MACIR: variants seen among roughly 807,000 people sequenced by gnomAD.
MACIR encodes the protein macrophage immunometabolism regulator.
In MACIR, 4 loss-of-function variants were observed where a neutral mutation model predicts 14.3. The observed-to-expected ratio is 0.28, with a 90% CI of 0.14 to 0.64. The LOEUF (loss-of-function observed/expected upper bound fraction) is 0.64. Among genes scored for constraint, MACIR ranks in the 30% least tolerant of loss-of-function variants. The pLI is 0.83. For synonymous variants in MACIR, 101 were observed against 102.4 expected (o/e 0.99, Z 0.08); for missense variants, 228 against 257.6 (o/e 0.89, Z 0.79).
chr5:103,259,040 C>T (rs1327214296), intron 1 of MACIR, 144 bp downstream of exon 1: 1 of 152,416 alleles, frequency 6.6e-6, no homozygotes, highest in South Asian at 2.1e-4. Flanking sequence ...CCCTTCCTCT[C>T]CGCCTCGTGT....
chr5:103,259,699 T>C (rs559262383), intron 1 of MACIR: 2 of 152,140 alleles, frequency 1.3e-5, no homozygotes, highest in Non-Finnish European at 2.9e-5. Context: ...TGTGCGCGTG[T>C]GGATTGGGGC....
rs1375728666 is a variant in MACIR at position 103,277,631 on chromosome 5, G to T, written c.*1091G>T. 6.0e-6 allele frequency: 1 copy of T among 166,868 alleles called. No individual in the cohort carries two copies. Among genetic ancestry groups the T allele is most frequent in the Non-Finnish European group, 1.5e-5 (1 of 68,060 alleles). The allele number at this position is 166,868 out of a possible 1,614,324, so 10.3% of individuals were successfully genotyped here. On this transcript the variant is annotated 3_prime_UTR_variant, in exon 3 of 3. Transcript: ENST00000319933. ...CTACTGTTTTAATGGGTTAATCCTG[G>T]ATTACTTAACAATTTATGTCAATTG... is the stretch of plus-strand genomic sequence containing the variant.
intron 1 of MACIR, among the ~76,000 whole-genome samples, chr5:103,261,363 A>T (rs1250139071): frequency 1.3e-5 from 2 of 152,206 alleles, no homozygotes; most frequent in African/African-American, 4.8e-5. Flanking sequence ...AGCCTCTAAG[A>T]TGAGCATCTA....
At position 103,276,082 on chromosome 5, in the gene MACIR, C is replaced by A; in HGVS notation, c.163C>A (p.His55Asn). 1 of 1,614,124 alleles carries A rather than the reference C, an allele frequency of 6.2e-7. No individual in the cohort carries two copies. Among genetic ancestry groups the A allele is most frequent in the African/African-American group, 1.3e-5 (1 of 74,982 alleles). ...GACCGTGTCAGGCTACCAGATCCTA[C>A]ACATGGACTCTAACTATTTGGTTGG... ...RRTVSGYQIL[H>N]MDSNYLVGFT... is the part of the protein sequence containing the mutation. The change falls in exon 3 of 3, where the codon CAC (histidine) becomes AAC (asparagine). Residue 55 changes from histidine to asparagine, a missense_variant. Physicochemically the swap from His to Asn is moderately conservative, Grantham distance 68. Transcript: ENST00000319933.
Position 103,276,347 on chromosome 5 carries a change from A to C in MACIR, c.428A>C (p.Tyr143Ser). The C allele has an allele frequency of 6.2e-7, 1 of 1,613,234 alleles. No individual in the cohort carries two copies. The highest frequency in any genetic ancestry group is 8.5e-7 in the Non-Finnish European group (1 of 1,179,876). ...GACAAGTGCACTAAATCTTTACCTTATGAACCTTACAAGGCCCTCCATGGG... is the reference window on the plus strand; with the variant it reads ...GACAAGTGCACTAAATCTTTACCTTCTGAACCTTACAAGGCCCTCCATGGG... ...SGDKCTKSLPYEPYKALHGPL... is the reference protein window; with the variant it reads ...SGDKCTKSLPSEPYKALHGPL... Residue 143 changes from tyrosine to serine, a missense_variant, in exon 3 of 3, where the codon TAT (tyrosine) becomes TCT (serine). Coordinates refer to ENST00000319933, the MANE Select transcript of MACIR (RefSeq NM_033211.4).
In MACIR at chr5:103,268,716, C is replaced by A. The variant is rs868919363; in HGVS notation, c.-24+2719C>A. On this transcript the variant is annotated intron_variant, in intron 2 of 2. Transcript: ENST00000319933. ...ACAGACATCAGCAGTTTTTGAAGCT[C>A]CTTGCATGATTCTGGTGTAGACAAG... Among the ~76,000 whole-genome samples, 3 of 152,148 alleles carry A rather than the reference C, an allele frequency of 2.0e-5. No individual in the cohort carries two copies. In the South Asian group the frequency reaches 6.2e-4, roughly 32 times the overall value.
chr5:103,276,243 A>G lies in MACIR; in HGVS notation c.324A>G (p.Lys108=), dbSNP rs1554237694. ...TTGCCCGTTCCTCTCGTTTGTATAA[A>G]ACCAGAAGTAGGTACTACCAGCCAT... ...AGLARSSRLY[K]TRSRYYQPYE... is the part of the protein sequence containing the mutation. The change falls in exon 3 of 3, where the codon AAA becomes AAG. Residue 108 remains lysine (K), a synonymous_variant. Coordinates refer to ENST00000319933, the MANE Select transcript of MACIR (RefSeq NM_033211.4). 2.5e-6 allele frequency: 4 copies of G among 1,612,872 alleles called. No individual in the cohort carries two copies. The Admixed American group carries it at 6.7e-5, about 27-fold the overall frequency.
intron 2 of MACIR, among the ~76,000 whole-genome samples, chr5:103,270,400 G>A (rs1034471369): frequency 4.6e-5 from 7 of 151,986 alleles, no homozygotes; most frequent in Admixed American, 6.6e-5. Flanking sequence ...GTAAATACGC[G>A]GAAAAAGGAA....
chr5:103,269,117 A>G (rs1805034142), intron 2 of MACIR, among the ~76,000 whole-genome samples: 1 of 152,112 alleles, frequency 6.6e-6, no homozygotes, highest in African/African-American at 2.4e-5. Flanking sequence ...CTGACGTGGG[A>G]GGATCGCTTG....
chr5:103,261,658 C>CTTTCTTTCTTTCTTTCTTTCTTTCT (rs1804704870), intron 1 of MACIR, among the ~76,000 whole-genome samples: 4 of 104,008 alleles, frequency 3.8e-5, no homozygotes, highest in Non-Finnish European at 5.9e-5. Context: ...TTCTTTCTTT[C>CTTTCTTTCTTTCTTTCTTTCTTTCT]TTTCTTTCTT....
rs1401261822 is a variant in MACIR, at chr5:103,278,300, ATTAT to A, written c.*1766_*1769del. The A allele has an allele frequency of 2.4e-5, 4 of 166,636 alleles. No individual in the cohort carries two copies. The highest frequency in any genetic ancestry group is 9.6e-5 in the African/African-American group (4 of 41,458). 10.3% of individuals were successfully genotyped at this position (166,636 alleles called of 1,614,324 possible). On this transcript the variant is annotated 3_prime_UTR_variant, in exon 3 of 3. Coordinates refer to ENST00000319933, the MANE Select transcript of MACIR (RefSeq NM_033211.4). ...TTTTTATGTTTAATGATTAAACACC[ATTAT>A]TTATTGACAATTTACCCTGTGGAAC... is the stretch of plus-strand genomic sequence containing the variant.
intron 1 of MACIR, among the ~76,000 whole-genome samples, chr5:103,264,737 C>T (rs1355758986): frequency 6.6e-6 from 1 of 152,076 alleles, no homozygotes; most frequent in African/African-American, 2.4e-5. Context: ...GGTGCATTGG[C>T]TCCTTCCAGT....
chr5:103,269,568 C>T (rs1805052652), intron 2 of MACIR, among the ~76,000 whole-genome samples: 2 of 152,060 alleles, frequency 1.3e-5, no homozygotes, highest in Non-Finnish European at 2.9e-5. Flanking sequence ...CTTCGTATAG[C>T]AGTTCTGAAA....
intron 1 of MACIR, among the ~76,000 whole-genome samples, chr5:103,265,458 A>G (rs1161166776): frequency 6.6e-6 from 1 of 152,158 alleles, no homozygotes; most frequent in Non-Finnish European, 1.5e-5. Flanking sequence ...TTAGAGATTG[A>G]TATTTATGCA....
intron 2 of MACIR, among the ~76,000 whole-genome samples, chr5:103,267,141 G>A (rs1554236796): frequency 6.6e-6 from 1 of 152,118 alleles, no homozygotes; most frequent in African/African-American, 2.4e-5. Flanking sequence ...TATTTATACA[G>A]TTGTCCCTTG....
chr5:103,269,048 T>C (rs1805031428), intron 2 of MACIR, among the ~76,000 whole-genome samples: 1 of 151,872 alleles, frequency 6.6e-6, no homozygotes, highest in Non-Finnish European at 1.5e-5. Flanking sequence ...TCTAAAAGTA[T>C]AAAAGAAATA....
rs1384394158 is a variant in MACIR at position 103,277,891 on chromosome 5, G to A, written c.*1351G>A. ...GGGTCTGTGAGTTTCTTAGGTATTA[G>A]CAATCTTGCTTATAAAATAAGAACA... On this transcript the variant is annotated 3_prime_UTR_variant, in exon 3 of 3. Coordinates refer to ENST00000319933, the MANE Select transcript of MACIR (RefSeq NM_033211.4). 1 of 166,986 alleles carries A rather than the reference G, an allele frequency of 6.0e-6. No individual in the cohort carries two copies. The highest frequency in any genetic ancestry group is 1.5e-5 in the Non-Finnish European group (1 of 68,098). 10.3% of individuals were successfully genotyped at this position (166,986 alleles called of 1,614,324 possible). A position where few individuals can be genotyped will look rare whatever the true frequency, so the allele number is the denominator to read the frequency against.
chr5:103,258,667 G>A (rs1407845816), upstream of MACIR: 1 of 153,222 alleles, frequency 6.5e-6, no homozygotes, highest in African/African-American at 2.4e-5. Flanking sequence ...CCAGAGGGAG[G>A]AGGCGGGAAG....
chr5:103,270,217 C>T (rs568036112), intron 2 of MACIR, among the ~76,000 whole-genome samples: 3 of 152,004 alleles, frequency 2.0e-5, no homozygotes, highest in South Asian at 2.1e-4. Context: ...ATATAAAAAC[C>T]AGAAACATTA....
Sources: gnomAD v4.1 joint callset for allele counts (sites outside exome capture counted in the v4.1 genomes callset) on GRCh38, gnomAD v4.1.1 for gene constraint, MANE v1.5 for transcripts, NCBI Gene and HGNC (gene_info 2026-07-23, HGNC 2026-07-21) for gene names.